The following ZNF385B variants were observed in gnomAD, a reference collection of about 807,000 sequenced individuals.
The protein encoded by ZNF385B is zinc finger protein 385B, also known as zinc finger protein 533.
Under a neutral mutation model 39.2 loss-of-function variants are expected in ZNF385B, and 23 were observed. The observed-to-expected ratio is 0.59, with a 90% CI of 0.42 to 0.83. The LOEUF is 0.83. ZNF385B is among the 40% of genes least tolerant of loss of function. The pLI is 0.00. For synonymous variants in ZNF385B, 205 were observed against 222.6 expected (o/e 0.92, Z 0.70); for missense variants, 552 against 598.9 (o/e 0.92, Z 0.82).
chr2:179,569,444 G>A (rs1188944378), intron 3 of ZNF385B, among the ~76,000 whole-genome samples: 1 of 152,204 alleles, frequency 6.6e-6, no homozygotes, highest in East Asian at 1.9e-4. Flanking sequence ...TCTATATCAT[G>A]TGGGAAATCA....
At chr2:179,730,402 A>G (rs1314237276) in intron 3 of ZNF385B, among the ~76,000 whole-genome samples, 1 of 152,200 alleles carries the variant, frequency 6.6e-6, no homozygotes, top group Non-Finnish European at 1.5e-5. Context: ...GAACATTTCA[A>G]TATATACCTT....
At chr2:179,444,758 G>A (rs2049297720) in intron 9 of ZNF385B, 118 bp downstream of exon 9, 1 of 832,724 alleles carries the variant, frequency 1.2e-6, no homozygotes, top group African/African-American at 1.7e-5. Context: ...TGTCTATGAG[G>A]GCTATTTAAA....
chr2:179,557,804 G>A (rs2061045852), intron 3 of ZNF385B, among the ~76,000 whole-genome samples: 1 of 151,922 alleles, frequency 6.6e-6, no homozygotes, highest in African/African-American at 2.4e-5. Context: ...GGTTTGGGCT[G>A]CTAATGATCC....
intron 1 of ZNF385B, among the ~76,000 whole-genome samples, chr2:179,827,334 C>G (rs546795192): frequency 1.6e-4 from 25 of 152,202 alleles, no homozygotes; most frequent in Middle Eastern, 3.4e-3. Flanking sequence ...GCCTTCTATT[C>G]TTTCCCAGGA....
chr2:179,448,010 G>A (rs959278534), intron 6 of ZNF385B, among the ~76,000 whole-genome samples: 26 of 150,186 alleles, frequency 1.7e-4, no homozygotes, highest in African/African-American at 6.4e-4. Flanking sequence ...ATCCATTCAG[G>A]TTGAGACTAG....
At chr2:179,841,438 G>A (rs1708529837) in intron 1 of ZNF385B, among the ~76,000 whole-genome samples, 1 of 152,192 alleles carries the variant, frequency 6.6e-6, no homozygotes, top group South Asian at 2.1e-4. Context: ...AAAGGAACCT[G>A]TGCCTACCCA....
At chr2:179,548,764 C>T (rs577630726) in intron 3 of ZNF385B, among the ~76,000 whole-genome samples, 1 of 149,180 alleles carries the variant, frequency 6.7e-6, no homozygotes, top group South Asian at 2.2e-4. Context: ...ATCACAAGAA[C>T]AGCACGGGAA....
At chr2:179,466,915 CAAAAAAAAA>C (rs777679885) in intron 6 of ZNF385B, among the ~76,000 whole-genome samples, 39 of 26,936 alleles carry the variant, frequency 1.4e-3, no homozygotes, top group Admixed American at 2.0e-3. Context: ...GCAAGACTGT[CAAAAAAAAA>C]AAAAAAAAAA....
chr2:179,789,453 A>G (rs916416101), intron 1 of ZNF385B, among the ~76,000 whole-genome samples: 3 of 152,210 alleles, frequency 2.0e-5, no homozygotes, highest in Non-Finnish European at 4.4e-5. Context: ...GGTACAAGGT[A>G]TTTTCAATAT....
At chr2:179,471,643 A>C (rs2052781339) in intron 6 of ZNF385B, among the ~76,000 whole-genome samples, 1 of 152,216 alleles carries the variant, frequency 6.6e-6, no homozygotes, top group Non-Finnish European at 1.5e-5. Context: ...ATTACAGTAG[A>C]TATTAGACCC....
At chr2:179,831,755 GC>G (rs1707999716) in intron 1 of ZNF385B, among the ~76,000 whole-genome samples, 1 of 152,146 alleles carries the variant, frequency 6.6e-6, no homozygotes, top group African/African-American at 2.4e-5. Context: ...AAGGGTCCAA[GC>G]CCTGGATCAG....
intron 3 of ZNF385B, among the ~76,000 whole-genome samples, chr2:179,623,832 G>T (rs1246931993): frequency 2.6e-5 from 4 of 152,270 alleles, no homozygotes; most frequent in Middle Eastern, 6.8e-3. Flanking sequence ...CAGCCAGTCA[G>T]TTTCTTGGCT....
intron 3 of ZNF385B, among the ~76,000 whole-genome samples, chr2:179,663,931 C>G (rs1266938451): frequency 6.6e-6 from 1 of 152,002 alleles, no homozygotes; most frequent in African/African-American, 2.4e-5. Flanking sequence ...AGTGGTCCTA[C>G]CCAGCTTCCT....
intron 1 of ZNF385B, among the ~76,000 whole-genome samples, chr2:179,834,956 C>T (rs1030558456): frequency 6.6e-6 from 1 of 152,116 alleles, no homozygotes; most frequent in Non-Finnish European, 1.5e-5. Flanking sequence ...GAGCAGTTGG[C>T]TTGTCTCTTC....
At chr2:179,639,226 C>A (rs74940802) in intron 3 of ZNF385B, among the ~76,000 whole-genome samples, 9 of 93,026 alleles carry the variant, frequency 9.7e-5, no homozygotes, top group Admixed American at 1.5e-4. Flanking sequence ...GATCCTGCCT[C>A]AAAAAAAAAA....
At chr2:179,690,040 T>C (rs997255541) in intron 3 of ZNF385B, among the ~76,000 whole-genome samples, 3 of 152,194 alleles carry the variant, frequency 2.0e-5, no homozygotes, top group Non-Finnish European at 4.4e-5. Flanking sequence ...TTGGTTCTCC[T>C]AACTCTGCCC....
chr2:179,493,402 T>C (rs972902746), intron 5 of ZNF385B, among the ~76,000 whole-genome samples: 28 of 151,626 alleles, frequency 1.8e-4, no homozygotes, highest in South Asian at 4.1e-4. Flanking sequence ...TATGCATACA[T>C]ATATGTACAC....
At chr2:179,656,426 A>C (rs541100274) in intron 3 of ZNF385B, among the ~76,000 whole-genome samples, 1 of 152,276 alleles carries the variant, frequency 6.6e-6, no homozygotes, top group Non-Finnish European at 1.5e-5. Context: ...ATTCAAATTT[A>C]AGTATATCTT....
At chr2:179,678,553 C>A (rs1294837402) in intron 3 of ZNF385B, among the ~76,000 whole-genome samples, 1 of 152,148 alleles carries the variant, frequency 6.6e-6, no homozygotes. Flanking sequence ...GATATCAGAG[C>A]AAAAGAAAGT....
Sources: gnomAD v4.1 joint callset for allele counts (sites outside exome capture counted in the v4.1 genomes callset) on GRCh38, gnomAD v4.1.1 for gene constraint, MANE v1.5 for transcripts, NCBI Gene and HGNC (gene_info 2026-07-23, HGNC 2026-07-21) for gene names.